Variants in CD163L1 observed in about 807,000 individuals in gnomAD.
The protein encoded by CD163L1 is CD163 molecule like 1, also known as scavenger receptor cysteine-rich type 1 protein M160.
CD163L1 carries 124 observed loss-of-function variants against 165.4 expected under a neutral mutation model. The ratio of observed to expected loss-of-function variants is 0.75; its 90% CI spans 0.65 to 0.87. CD163L1 has a LOEUF of 0.87. Ranked by LOEUF, CD163L1 falls within the 40% of genes least tolerant of loss-of-function variation. The pLI is 0.00. For missense variants in CD163L1, 1,525 were observed against 1,799.9 expected (o/e 0.85, Z 2.76); for synonymous variants, 585 against 662.2 (o/e 0.88, Z 1.79).
rs753747901 is a variant in CD163L1, at chr12:7,364,966, A to C, written c.4279+2270T>G. 1.5e-4 allele frequency among the ~76,000 whole-genome samples: 23 copies of C among 152,304 alleles called. No homozygotes were observed. In the South Asian group the frequency reaches 4.8e-3, roughly 32 times the overall value. Reference sequence around the variant, plus strand: ...GAACAACAGAGGGCCCCCAATAGCCAAAGCTATTCTGAGCAAAAGAACATA... The same window carrying C: ...GAACAACAGAGGGCCCCCAATAGCCCAAGCTATTCTGAGCAAAAGAACATA... On this transcript the variant is annotated intron_variant, in intron 18 of 19. Transcript: ENST00000313599.
intron 2 of CD163L1, among the ~76,000 whole-genome samples, chr12:7,436,577 G>A (rs1051956535): frequency 2.6e-5 from 4 of 152,050 alleles, no homozygotes; most frequent in African/African-American, 9.7e-5. Context: ...TTCCAGATCG[G>A]CCTGGACAAC....
chr12:7,359,251 C>T (rs1946841993), intron 18 of CD163L1, among the ~76,000 whole-genome samples: 1 of 151,776 alleles, frequency 6.6e-6, no homozygotes, highest in Non-Finnish European at 1.5e-5. Context: ...GCACAAAGAA[C>T]ACCAAGCAGA....
chr12:7,403,613 C>G lies in CD163L1; in HGVS notation c.1330G>C (p.Ala444Pro). The change falls in exon 6 of 20, where the codon GCT (alanine) becomes CCT (proline). Residue 444 changes from alanine (A) to proline (P), a missense_variant. Ala to Pro is a conservative substitution (Grantham distance 27). Coordinates refer to ENST00000313599, the MANE Select transcript of CD163L1 (RefSeq NM_174941.6). ...NSISCTGNES[A>P]LWDCTYDGKA... The stretch of plus-strand genomic sequence containing the variant: ...CCATCATATGTGCAGTCCCAGAGAG[C>G]TGACTCATTCCCAGTGCAAGATATG... The G allele has an allele frequency of 1.2e-6, 2 of 1,614,012 alleles. No individual in the cohort carries two copies. The highest frequency in any genetic ancestry group is 2.7e-5 in the African/African-American group (2 of 75,028).
At position 7,397,576 on chromosome 12, in the gene CD163L1, C is replaced by A. The variant is rs143504314; in HGVS notation, c.1729+688G>T. On this transcript the variant is annotated intron_variant, in intron 7 of 19. Coordinates refer to ENST00000313599, the MANE Select transcript of CD163L1 (RefSeq NM_174941.6). ...GTTTCTCCTTTAACAGTAGAGACAA[C>A]CATCCACCTCTGTGTGAGAATATTA... 3.3e-3 allele frequency among the ~76,000 whole-genome samples: 504 copies of A among 152,240 alleles called. 3 individuals carry two copies. Among genetic ancestry groups the A allele is most frequent in the African/African-American group, 0.012 (480 of 41,540 alleles).
Position 7,368,884 on chromosome 12 carries a change from C to A in CD163L1, c.4072+49G>T. The stretch of plus-strand genomic sequence containing the variant: ...CAGTTTCTGCCCTCCCTTGACCTTC[C>A]ATGTAGCCTTAGGTATTTGTGTCAG... On this transcript the variant is annotated intron_variant, in intron 16 of 19. Coordinates refer to ENST00000313599, the MANE Select transcript of CD163L1 (RefSeq NM_174941.6). This position sits in a 1 kb window ranked among gnomAD's most constrained non-coding sequence, Gnocchi z 4.3. The A allele has an allele frequency of 6.2e-7, 1 of 1,601,712 alleles. No homozygotes were observed.
the CD163L1 span, chr12:7,323,499 A>C: frequency 2.5e-6 from 4 of 1,613,820 alleles, no homozygotes; most frequent in South Asian, 4.4e-5. Context: ...CCTGGCAAAG[A>C]AGGGGAAATT....
rs1169976155 is a variant in CD163L1 at position 7,375,913 on chromosome 12, A to G, written c.2473T>C (p.Ser825Pro). Residue 825 changes from serine to proline, a missense_variant, in exon 10 of 20, where the codon TCT (serine) becomes CCT (proline). Physicochemically the swap from Ser to Pro is moderately conservative, Grantham distance 74 (BLOSUM62 -1). Coordinates refer to ENST00000313599, the MANE Select transcript of CD163L1 (RefSeq NM_174941.6). ...TWRSVCDSDF[S>P]LHAANVLCRE... ...CACAGCACATTGGCAGCATGAAGAG[A>G]GAAATCAGAATCACAGACAGAGCGC... The G allele has an allele frequency of 1.9e-6, 3 of 1,614,122 alleles. No homozygotes were observed. In the African/African-American group the frequency reaches 4.0e-5, roughly 22 times the overall value.
rs1591882574 is a variant in CD163L1, at chr12:7,368,365, T to C, written c.4073-168A>G. On this transcript the variant is annotated intron_variant, in intron 16 of 19. Coordinates refer to ENST00000313599, the MANE Select transcript of CD163L1 (RefSeq NM_174941.6). This position sits in a 1 kb window ranked among gnomAD's most constrained non-coding sequence, Gnocchi z 4.3. ...TTTGAGAGCTATTTTAGATGAAAAC[T>C]ATCTTGGAACAACTGAATCCAAATC... Among the ~76,000 whole-genome samples, 1 of 152,202 alleles carries C rather than the reference T, an allele frequency of 6.6e-6. No individual in the cohort carries two copies.
chr12:7,391,256 T>C (rs1198535207), intron 8 of CD163L1, among the ~76,000 whole-genome samples: 2 of 152,148 alleles, frequency 1.3e-5, no homozygotes, highest in East Asian at 3.9e-4. Flanking sequence ...ACTGCAAAGA[T>C]GGGGAGAAAC....
chr12:7,394,324 C>CA (rs1254518912), intron 8 of CD163L1, among the ~76,000 whole-genome samples: 1 of 151,898 alleles, frequency 6.6e-6, no homozygotes, highest in East Asian at 1.9e-4. Context: ...ACAAACCTGA[C>CA]AAAAACAAGA....
chr12:7,373,397 G>GAGAT lies in CD163L1; in HGVS notation c.3649_3652dup (p.Ser1218TyrfsTer27). On this transcript the variant is annotated frameshift_variant, in exon 14 of 20. Coordinates refer to ENST00000313599, the MANE Select transcript of CD163L1 (RefSeq NM_174941.6). LOFTEE classifies it high-confidence loss of function. ...TGGGGCAGACAGGCACTGCCATATGGAGATATGCGTTTTAGGACACTGAAT... is the reference window on the plus strand; with the variant it reads ...TGGGGCAGACAGGCACTGCCATATGGAGATAGATATGCGTTTTAGGACACTGAAT... 1 of 1,614,188 alleles carries GAGAT rather than the reference G, an allele frequency of 6.2e-7. No individual in the cohort carries two copies. The highest frequency in any genetic ancestry group is 8.5e-7 in the Non-Finnish European group (1 of 1,180,020).
chr12:7,369,455 C>G lies in CD163L1; in HGVS notation c.3941G>C (p.Arg1314Pro). ...TAGAAATGACTCATTTCCTTTGCACCGCATGTCATCCAACCAGATGGTTCC... is the reference window on the plus strand; with the variant it reads ...TAGAAATGACTCATTTCCTTTGCACGGCATGTCATCCAACCAGATGGTTCC... ...GTGTIWLDDMRCKGNESFLWD... is the reference protein window; with the variant it reads ...GTGTIWLDDMPCKGNESFLWD... Residue 1314 changes from arginine to proline, a missense_variant, in exon 15 of 20, where the codon CGG becomes CCG. Coordinates refer to ENST00000313599, the MANE Select transcript of CD163L1 (RefSeq NM_174941.6). The surrounding 1 kb of genome is among the most constrained non-coding windows in gnomAD (Gnocchi z 4.9). The G allele has an allele frequency of 2.5e-6, 4 of 1,614,132 alleles. No individual in the cohort carries two copies. Among genetic ancestry groups the G allele is most frequent in the Non-Finnish European group, 3.4e-6 (4 of 1,180,032 alleles).
intron 2 of CD163L1, among the ~76,000 whole-genome samples, chr12:7,440,231 C>G (rs1779370131): frequency 6.6e-6 from 1 of 152,072 alleles, no homozygotes; most frequent in South Asian, 2.1e-4. Context: ...GCCCTCCGCG[C>G]AGGCAGCCCT....
downstream of CD163L1, among the ~76,000 whole-genome samples, chr12:7,350,684 T>C (rs1250191052): frequency 6.6e-6 from 1 of 152,188 alleles, no homozygotes; most frequent in Non-Finnish European, 1.5e-5. Flanking sequence ...TTTTCAGCTG[T>C]TTTTATTTCC....
At chr12:7,375,632 CT>C (rs1404873886) in intron 10 of CD163L1, 37 bp from the exon 11 acceptor site, 1 of 1,610,162 alleles carries the variant, frequency 6.2e-7, no homozygotes, top group Non-Finnish European at 8.5e-7. Context: ...GACATCATGA[CT>C]TATCAGCTCC....
intron 18 of CD163L1, among the ~76,000 whole-genome samples, chr12:7,365,546 A>T (rs1315860570): frequency 6.6e-6 from 1 of 152,132 alleles, no homozygotes; most frequent in Non-Finnish European, 1.5e-5. Flanking sequence ...AAATATATAG[A>T]GCTCAGACAA....
chr12:7,355,814 A>G (rs1404162962), intron 19 of CD163L1, among the ~76,000 whole-genome samples: 4 of 152,142 alleles, frequency 2.6e-5, no homozygotes, highest in Non-Finnish European at 5.9e-5. Flanking sequence ...GCATAACAAG[A>G]AGATGACTGC....
chr12:7,322,769 T>A, the CD163L1 span, among the ~76,000 whole-genome samples: 1 of 152,164 alleles, frequency 6.6e-6, no homozygotes, highest in African/African-American at 2.4e-5. Context: ...GCAGGATAAA[T>A]CTCAGAGGCG....
At chr12:7,416,598 A>C (rs1219828873) in intron 4 of CD163L1, among the ~76,000 whole-genome samples, 1 of 152,102 alleles carries the variant, frequency 6.6e-6, no homozygotes, top group East Asian at 1.9e-4. Context: ...TTTTTGTATA[A>C]GGTGTAAGGA....
Sources: gnomAD v4.1 joint callset for allele counts (sites outside exome capture counted in the v4.1 genomes callset) on GRCh38, gnomAD v4.1.1 for gene constraint, Gnocchi (gnomAD v3.1) non-coding constraint, MANE v1.5 for transcripts, NCBI Gene and HGNC (gene_info 2026-07-23, HGNC 2026-07-21) for gene names.